Variants in LMBR1 observed in about 807,000 individuals in gnomAD.
The protein encoded by LMBR1 is limb development membrane protein 1, also known as limb region 1 protein homolog.
A neutral mutation model predicts 73.9 loss-of-function variants in LMBR1; 52 were observed. The observed-to-expected ratio is 0.70, with a 90% CI of 0.56 to 0.89. The LOEUF is 0.89. Among genes scored for constraint, LMBR1 ranks in the 40% least tolerant of loss-of-function variants. The pLI is 0.00. For synonymous variants in LMBR1, 215 were observed against 209.4 expected, an observed-to-expected ratio of 1.03 and a Z score of -0.23; for missense variants, 539 against 579.8, an observed-to-expected ratio of 0.93 and a Z score of 0.72.
intron 1 of LMBR1, among the ~76,000 whole-genome samples, chr7:156,875,666 TC>T (rs1345890206): frequency 6.6e-6 from 1 of 152,164 alleles, no homozygotes; most frequent in Non-Finnish European, 1.5e-5. Context: ...ATCTTCAGCC[TC>T]CTTAAACAAA....
At chr7:156,872,698 T>A (rs1360518834) in intron 1 of LMBR1, among the ~76,000 whole-genome samples, 2 of 150,120 alleles carry the variant, frequency 1.3e-5, no homozygotes, top group Admixed American at 6.6e-5. Flanking sequence ...GTGAAAGACC[T>A]GTATCCTGAA....
intron 3 of LMBR1, among the ~76,000 whole-genome samples, chr7:156,829,053 G>C (rs548739200): frequency 1.1e-4 from 17 of 152,088 alleles, no homozygotes; most frequent in African/African-American, 4.1e-4. Flanking sequence ...AAAATCAAAC[G>C]TTTAGCCAAC....
intron 1 of LMBR1, among the ~76,000 whole-genome samples, chr7:156,859,248 C>A (rs1385903587): frequency 5.2e-5 from 7 of 134,154 alleles, no homozygotes; most frequent in South Asian, 2.4e-4. Context: ...AACTCCGTCT[C>A]AAAAAAAAAA....
intron 9 of LMBR1, among the ~76,000 whole-genome samples, chr7:156,749,144 C>T (rs1407668690): frequency 6.6e-6 from 1 of 152,306 alleles, no homozygotes; most frequent in South Asian, 2.1e-4. Context: ...TCAAAATATT[C>T]TCCCTTCAGT....
chr7:156,754,275 A>T (rs1821450461), intron 9 of LMBR1, among the ~76,000 whole-genome samples: 1 of 152,234 alleles, frequency 6.6e-6, no homozygotes, highest in Admixed American at 6.5e-5. Flanking sequence ...TTCCAAAACA[A>T]ACTGATACTG....
At chr7:156,865,762 A>G (rs1798357325) in intron 1 of LMBR1, among the ~76,000 whole-genome samples, 1 of 152,206 alleles carries the variant, frequency 6.6e-6, no homozygotes, top group Non-Finnish European at 1.5e-5. Context: ...CTAAGAGTCT[A>G]AAAACAAACC....
chr7:156,844,064 C>T (rs778630737), intron 1 of LMBR1, among the ~76,000 whole-genome samples: 13 of 151,978 alleles, frequency 8.6e-5, no homozygotes, highest in Admixed American at 1.3e-4. Context: ...TGGCTCACAC[C>T]GGTAATCCCA....
intron 9 of LMBR1, among the ~76,000 whole-genome samples, chr7:156,745,183 T>C (rs1299698827): frequency 6.6e-6 from 1 of 152,218 alleles, no homozygotes; most frequent in Non-Finnish European, 1.5e-5. Context: ...ATTAAGCTTT[T>C]TATTTTTTTC....
At chr7:156,707,299 C>T (rs568649108) in intron 15 of LMBR1, among the ~76,000 whole-genome samples, 1 of 152,246 alleles carries the variant, frequency 6.6e-6, no homozygotes, top group South Asian at 2.1e-4. Context: ...CTGAATTCTA[C>T]CAAATGTACA....
Position 156,826,638 on chromosome 7 carries a change from A to T in LMBR1, c.286T>A (p.Tyr96Asn), listed in dbSNP as rs778862287. 1 of 1,590,258 alleles carries T rather than the reference A, an allele frequency of 6.3e-7. No homozygotes were observed. The highest frequency in any genetic ancestry group is 1.1e-5 in the South Asian group (1 of 87,784). ...AGGGAGCCATTTAGCCACTGAATAT[A>T]GTAGTTCTGAGGAAAAGAAAGCAGG... ...EILLSFPQNY[Y>N]IQWLNGSLIH... The change falls in exon 4 of 17, where the codon TAT becomes AAT. Residue 96 changes from tyrosine to asparagine, a missense_variant. Around this residue, in one of 3 missense-constraint regions of LMBR1, gnomAD observed 454 missense variants for 473.4 expected, o/e 0.96. Coordinates refer to ENST00000353442, the MANE Select transcript of LMBR1 (RefSeq NM_022458.4).
Position 156,725,442 on chromosome 7 carries a change from ATAGT to A in LMBR1, c.1147_1150del (p.Thr383Ter), listed in dbSNP as rs1176529566. 4 of 1,600,740 alleles carry A rather than the reference ATAGT, an allele frequency of 2.5e-6. No homozygotes were observed. The highest frequency in any genetic ancestry group is 2.6e-6 in the Non-Finnish European group (3 of 1,171,148). ...CCTAAGATTCTACCTTACCTTTGTC[ATAGT>A]TGTGTCATCTTTCTTGGGAGTAAAG... On this transcript the variant is annotated frameshift_variant, in exon 14 of 17. Coordinates refer to ENST00000353442, the MANE Select transcript of LMBR1 (RefSeq NM_022458.4). LOFTEE classifies it high-confidence loss of function.
At chr7:156,741,594 A>C (rs1421492233) in intron 9 of LMBR1, among the ~76,000 whole-genome samples, 2 of 152,160 alleles carry the variant, frequency 1.3e-5, no homozygotes, top group African/African-American at 4.8e-5. Context: ...TCAATTCTGC[A>C]AAAGGGTATA....
At chr7:156,693,858 G>C (rs1472144351) in intron 15 of LMBR1, among the ~76,000 whole-genome samples, 1 of 152,212 alleles carries the variant, frequency 6.6e-6, no homozygotes, top group Non-Finnish European at 1.5e-5. Flanking sequence ...CTACAGGGCA[G>C]TATTCCCAGT....
chr7:156,864,455 A>G (rs1014361275), intron 1 of LMBR1, among the ~76,000 whole-genome samples: 3 of 152,210 alleles, frequency 2.0e-5, no homozygotes, highest in African/African-American at 4.8e-5. Flanking sequence ...ATATTTTTAA[A>G]TTCATTCACA....
chr7:156,795,979 A>G (rs1368466136), intron 5 of LMBR1, among the ~76,000 whole-genome samples: 1 of 152,188 alleles, frequency 6.6e-6, no homozygotes, highest in East Asian at 1.9e-4. Flanking sequence ...TGGTATATTT[A>G]CTAAATGTGA....
At position 156,790,435 on chromosome 7, in the gene LMBR1, T is replaced by C. The variant is rs112726177; in HGVS notation, c.423+5954A>G. 2.3e-3 allele frequency among the ~76,000 whole-genome samples: 344 copies of C among 151,890 alleles called. 6 individuals are homozygous for C. The highest frequency in any genetic ancestry group is 8.0e-3 in the African/African-American group (330 of 41,328). ...CCTAAGTCACAGTCAGTAAGAAGAG[T>C]GAAGATTGAAGTCCAGGTATTCTGA... On this transcript the variant is annotated intron_variant, in intron 5 of 16. Transcript: ENST00000353442.
At chr7:156,827,156 A>G (rs1467452665) in intron 3 of LMBR1, among the ~76,000 whole-genome samples, 1 of 152,192 alleles carries the variant, frequency 6.6e-6, no homozygotes, top group Non-Finnish European at 1.5e-5. Flanking sequence ...CTATGAAAGC[A>G]GTATAAAAAA....
intron 15 of LMBR1, among the ~76,000 whole-genome samples, chr7:156,695,262 T>C (rs1327007645): frequency 1.3e-5 from 2 of 152,198 alleles, no homozygotes; most frequent in Admixed American, 6.5e-5. Flanking sequence ...TGACTTAAAA[T>C]CATACCACTA....
At chr7:156,778,332 T>G (rs927192743) in intron 5 of LMBR1, among the ~76,000 whole-genome samples, 21 of 152,236 alleles carry the variant, frequency 1.4e-4, no homozygotes, top group Non-Finnish European at 2.8e-4. Context: ...ATGATTATGC[T>G]TGTCCTATGA....
Sources: gnomAD v4.1 joint callset for allele counts (sites outside exome capture counted in the v4.1 genomes callset) on GRCh38, gnomAD v4.1.1 for gene constraint, gnomAD v4.1.1 regional missense constraint, MANE v1.5 for transcripts, NCBI Gene and HGNC (gene_info 2026-07-23, HGNC 2026-07-21) for gene names.